The following ST18 variants were observed in gnomAD, a reference collection of about 807,000 sequenced individuals.
The protein encoded by ST18 is suppression of tumorigenicity 18 protein.
In ST18, 50 loss-of-function variants were observed where a neutral mutation model predicts 110.0. The ratio of observed to expected loss-of-function variants is 0.45; its 90% CI spans 0.36 to 0.58. The LOEUF (loss-of-function observed/expected upper bound fraction) is 0.58. Among genes scored for constraint, ST18 ranks in the 20% least tolerant of loss-of-function variants. ST18 has a pLI of 0.00. For synonymous variants in ST18, 461 were observed against 452.4 expected (o/e 1.02, Z -0.24); for missense variants, 1,306 against 1,280.1 (o/e 1.02, Z -0.31).
intron 2 of ST18, among the ~76,000 whole-genome samples, chr8:52,383,488 AC>A (rs537614205): frequency 4.3e-4 from 66 of 152,230 alleles, no homozygotes; most frequent in Middle Eastern, 3.4e-3. Flanking sequence ...TTGCTCTATC[AC>A]CCAGGCTGGA....
At chr8:52,226,739 C>T (rs1368674212) in intron 3 of ST18, among the ~76,000 whole-genome samples, 1 of 152,162 alleles carries the variant, frequency 6.6e-6, no homozygotes, top group African/African-American at 2.4e-5. Context: ...ACTAAACAAC[C>T]TGATAATGTC....
At chr8:52,273,130 CA>C (rs2095130462) in intron 2 of ST18, among the ~76,000 whole-genome samples, 1 of 152,018 alleles carries the variant, frequency 6.6e-6, no homozygotes, top group Admixed American at 6.5e-5. Flanking sequence ...TGAAAAGAGC[CA>C]AAAAGCCCAT....
intron 8 of ST18, among the ~76,000 whole-genome samples, chr8:52,209,210 C>T (rs2081243077): frequency 6.6e-6 from 1 of 152,134 alleles, no homozygotes; most frequent in Non-Finnish European, 1.5e-5. Context: ...TTGCTTAAAT[C>T]ACTTTTTGGT....
intron 2 of ST18, among the ~76,000 whole-genome samples, chr8:52,323,056 C>A (rs767904094): frequency 6.6e-6 from 1 of 152,242 alleles, no homozygotes; most frequent in African/African-American, 2.4e-5. Flanking sequence ...GACCTAGCTC[C>A]TCGGAGGAGT....
At chr8:52,224,336 T>C (rs2088327353) in intron 3 of ST18, among the ~76,000 whole-genome samples, 1 of 152,224 alleles carries the variant, frequency 6.6e-6, no homozygotes, top group African/African-American at 2.4e-5. Context: ...ATTATATATT[T>C]AGAAGTTGAT....
At chr8:52,394,644 G>C (rs1167379885) in intron 2 of ST18, among the ~76,000 whole-genome samples, 1 of 152,176 alleles carries the variant, frequency 6.6e-6, no homozygotes, top group Non-Finnish European at 1.5e-5. Context: ...GTGTGGGAAG[G>C]GAAGTTATAA....
At chr8:52,388,825 G>A (rs1382560183) in intron 2 of ST18, among the ~76,000 whole-genome samples, 2 of 120,196 alleles carry the variant, frequency 1.7e-5, no homozygotes, top group East Asian at 2.5e-4. Context: ...TGGGGTGGGG[G>A]GAGGGGGGAG....
chr8:52,285,715 C>T (rs892408174), intron 2 of ST18, among the ~76,000 whole-genome samples: 1 of 152,218 alleles, frequency 6.6e-6, no homozygotes, highest in Non-Finnish European at 1.5e-5. Flanking sequence ...CCCAGAAATG[C>T]TATCAAGGCC....
chr8:52,383,649 G>A (rs1016352810), intron 2 of ST18, among the ~76,000 whole-genome samples: 1 of 151,980 alleles, frequency 6.6e-6, no homozygotes, highest in Non-Finnish European at 1.5e-5. Flanking sequence ...GGGTTTCACC[G>A]TGTTGGTCAG....
intron 2 of ST18, among the ~76,000 whole-genome samples, chr8:52,239,225 G>C (rs2093110501): frequency 6.6e-6 from 1 of 152,170 alleles, no homozygotes. Context: ...TGATAGAGAA[G>C]GGGTGCAGAG....
intron 2 of ST18, chr8:52,246,547 C>T (rs1260824217): frequency 6.6e-6 from 1 of 152,140 alleles, no homozygotes; most frequent in Non-Finnish European, 1.5e-5. Context: ...AATTTAATCA[C>T]ATATACTTAA....
At chr8:52,331,387 A>C (rs1809332251) in intron 2 of ST18, among the ~76,000 whole-genome samples, 3 of 151,974 alleles carry the variant, frequency 2.0e-5, no homozygotes, top group Admixed American at 2.0e-4. Flanking sequence ...ATATCTCCTA[A>C]ATTATGTTAA....
At chr8:52,238,914 C>G (rs1372369553) in intron 2 of ST18, among the ~76,000 whole-genome samples, 2 of 151,800 alleles carry the variant, frequency 1.3e-5, no homozygotes, top group African/African-American at 2.4e-5. Flanking sequence ...ATAAGATACC[C>G]TATTTGGATG....
At chr8:52,224,642 G>A (rs1261458853) in intron 3 of ST18, among the ~76,000 whole-genome samples, 1 of 152,194 alleles carries the variant, frequency 6.6e-6, no homozygotes, top group East Asian at 1.9e-4. Flanking sequence ...ATGGCAAAGT[G>A]GGTCAATGGT....
intron 8 of ST18, chr8:52,206,887 C>A (rs1046716871): frequency 6.6e-6 from 1 of 152,166 alleles, no homozygotes; most frequent in African/African-American, 2.4e-5. Flanking sequence ...TTTTCTCTAA[C>A]TTCATGATTA....
chr8:52,365,661 T>C (rs1827594077), intron 2 of ST18, among the ~76,000 whole-genome samples: 1 of 151,406 alleles, frequency 6.6e-6, no homozygotes, highest in African/African-American at 2.4e-5. Flanking sequence ...GCAAATATTT[T>C]ATACTTAATC....
intron 8 of ST18, among the ~76,000 whole-genome samples, chr8:52,181,469 A>C (rs572992525): frequency 6.6e-6 from 1 of 152,202 alleles, no homozygotes; most frequent in Non-Finnish European, 1.5e-5. Context: ...ATTTCTTCTA[A>C]GAAAGAAGAA....
intron 2 of ST18, among the ~76,000 whole-genome samples, chr8:52,266,387 C>A (rs7459694): frequency 0.043 from 6,496 of 152,076 alleles, 223 homozygotes; most frequent in Admixed American, 0.085. Flanking sequence ...CAGAGAAGGA[C>A]AAACTGCTAG....
chr8:52,129,042 A>C (rs567262094), intron 22 of ST18, among the ~76,000 whole-genome samples: 4 of 143,798 alleles, frequency 2.8e-5, no homozygotes, highest in African/African-American at 1.2e-4. Flanking sequence ...ATTCCAAGTC[A>C]TGTAAGTCAT....
Sources: gnomAD v4.1 joint callset for allele counts (sites outside exome capture counted in the v4.1 genomes callset) on GRCh38, gnomAD v4.1.1 for gene constraint, MANE v1.5 for transcripts, NCBI Gene and HGNC (gene_info 2026-07-23, HGNC 2026-07-21) for gene names.